The following TMEM232 variants were observed in gnomAD, a reference collection of about 807,000 sequenced individuals.
TMEM232 encodes transmembrane protein 232.
Under a neutral mutation model 78.8 loss-of-function variants are expected in TMEM232, and 80 were observed. The observed-to-expected ratio is 1.01, with a 90% CI of 0.85 to 1.22. TMEM232 has a LOEUF of 1.22. TMEM232 is among the 50% of genes most tolerant of loss of function. The pLI is 0.00. For missense variants in TMEM232, 881 were observed against 742.2 expected (o/e 1.19, Z -2.17); for synonymous variants, 297 against 254.3 (o/e 1.17, Z -1.60).
chr5:110,531,940 CAG>C (rs1443158695), intron 11 of TMEM232, among the ~76,000 whole-genome samples: 1 of 152,186 alleles, frequency 6.6e-6, no homozygotes, highest in African/African-American at 2.4e-5. Context: ...AACTCCACAA[CAG>C]GACTTAATTA....
At chr5:110,622,381 G>A (rs1000318169) in intron 7 of TMEM232, among the ~76,000 whole-genome samples, 1 of 152,158 alleles carries the variant, frequency 6.6e-6, no homozygotes, top group Non-Finnish European at 1.5e-5. Flanking sequence ...TTGTAGCAGG[G>A]TTTAAATCTA....
intron 1 of TMEM232, among the ~76,000 whole-genome samples, chr5:110,672,188 G>C (rs1480261704): frequency 6.6e-6 from 1 of 152,132 alleles, no homozygotes; most frequent in Non-Finnish European, 1.5e-5. Flanking sequence ...GTTTCAAGAA[G>C]TTAGAGACTA....
intron 1 of TMEM232, among the ~76,000 whole-genome samples, chr5:110,694,103 C>T (rs36162191): frequency 6.6e-6 from 1 of 152,116 alleles, no homozygotes; most frequent in South Asian, 2.1e-4. Flanking sequence ...AACAGCGGAT[C>T]TCTCGGCAGA....
chr5:110,670,207 T>G (rs1213896459), intron 1 of TMEM232, among the ~76,000 whole-genome samples: 2 of 152,196 alleles, frequency 1.3e-5, no homozygotes, highest in Non-Finnish European at 2.9e-5. Flanking sequence ...TGTTTGCAGA[T>G]GACATGATTG....
intron 12 of TMEM232, among the ~76,000 whole-genome samples, chr5:110,509,259 G>T (rs1443386403): frequency 6.6e-6 from 1 of 151,476 alleles, no homozygotes; most frequent in East Asian, 1.9e-4. Flanking sequence ...GCAACACTTT[G>T]TCTGTACAAA....
chr5:110,712,475 G>T (rs1199864711), intron 1 of TMEM232, among the ~76,000 whole-genome samples: 1 of 151,838 alleles, frequency 6.6e-6, no homozygotes, highest in Admixed American at 6.6e-5. Flanking sequence ...CACACAAAAG[G>T]CAAAAAGTCA....
At chr5:110,394,591 AG>A (rs1205829668) in intron 3 of TMEM232, among the ~76,000 whole-genome samples, 1 of 151,914 alleles carries the variant, frequency 6.6e-6, no homozygotes, top group Non-Finnish European at 1.5e-5. Context: ...CTTTACTGTT[AG>A]TACTGCCTTG....
intron 1 of TMEM232, among the ~76,000 whole-genome samples, chr5:110,688,315 T>A (rs1371686047): frequency 2.0e-5 from 3 of 152,160 alleles, no homozygotes; most frequent in African/African-American, 7.2e-5. Flanking sequence ...CTGCCTTATA[T>A]TATGATTTCA....
chr5:110,712,329 G>T (rs1796573188), intron 1 of TMEM232, among the ~76,000 whole-genome samples: 1 of 151,588 alleles, frequency 6.6e-6, no homozygotes, highest in Admixed American at 6.6e-5. Flanking sequence ...AGAGAAAATA[G>T]TTGCCAACTA....
chr5:110,508,124 A>G (rs868246129), intron 12 of TMEM232, among the ~76,000 whole-genome samples: 1 of 152,126 alleles, frequency 6.6e-6, no homozygotes, highest in Admixed American at 6.6e-5. Flanking sequence ...AAAAACCCCA[A>G]GGGGATCACT....
intron 11 of TMEM232, among the ~76,000 whole-genome samples, chr5:110,563,182 G>C (rs1775951833): frequency 6.6e-6 from 1 of 151,840 alleles, no homozygotes; most frequent in African/African-American, 2.4e-5. Context: ...CACTGGTAGT[G>C]GTTATGTGTT....
intron 12 of TMEM232, among the ~76,000 whole-genome samples, chr5:110,514,938 T>C (rs558175752): frequency 1.3e-5 from 2 of 152,202 alleles, no homozygotes; most frequent in South Asian, 4.1e-4. Context: ...CTAAAAATCA[T>C]ACGGCAGAAA....
intron 2 of TMEM232, among the ~76,000 whole-genome samples, chr5:110,644,156 C>A (rs1297398651): frequency 6.6e-6 from 1 of 151,860 alleles, no homozygotes; most frequent in Non-Finnish European, 1.5e-5. Context: ...GCAACCTCAT[C>A]TTTGATTTCC....
At position 110,702,348 on chromosome 5, in the gene TMEM232, T is replaced by C. The variant is rs190193534; in HGVS notation, c.-13+24279A>G. On this transcript the variant is annotated intron_variant, in intron 1 of 13. Transcript: ENST00000455884. Reference sequence around the variant, plus strand: ...TATGATAGTCAGCAATTATGCCCTGTAGCATACCCCCTTGTCTGAGGGCCA... The same window carrying C: ...TATGATAGTCAGCAATTATGCCCTGCAGCATACCCCCTTGTCTGAGGGCCA... Among the ~76,000 whole-genome samples the C allele has an allele frequency of 2.0e-5, 3 of 152,108 alleles. No homozygotes were observed. In the East Asian group the frequency reaches 5.8e-4, roughly 29 times the overall value.
At chr5:110,524,387 GAAAGAAAGAAAGAAAGAAAGAAAGAAAGA>G (rs1448309649) in intron 12 of TMEM232, among the ~76,000 whole-genome samples, 2,801 of 63,982 alleles carry the variant, frequency 0.044, 92 homozygotes, top group African/African-American at 0.19. Flanking sequence ...AAGAAAGAAA[GAAAGAAAGAAAGAAAGAAAGAAAGAAAGA>G]AAAGAAAAGA....
At chr5:110,686,054 A>G (rs1033074816) in intron 1 of TMEM232, among the ~76,000 whole-genome samples, 6 of 152,058 alleles carry the variant, frequency 3.9e-5, no homozygotes, top group Non-Finnish European at 8.8e-5. Flanking sequence ...ATGTATCAAA[A>G]CTCAATGAAA....
chr5:110,443,776 C>T (rs569458310), intron 12 of TMEM232, among the ~76,000 whole-genome samples: 1 of 152,268 alleles, frequency 6.6e-6, no homozygotes, highest in East Asian at 1.9e-4. Flanking sequence ...ATTCAGGCCC[C>T]AATGGCTCTT....
At chr5:110,443,334 G>A (rs1485919872) in intron 12 of TMEM232, among the ~76,000 whole-genome samples, 1 of 152,064 alleles carries the variant, frequency 6.6e-6, no homozygotes, top group African/African-American at 2.4e-5. Flanking sequence ...TCTTTCCACA[G>A]GCTTAGGAGC....
chr5:110,708,428 G>A (rs147648598), intron 1 of TMEM232, among the ~76,000 whole-genome samples: 114 of 152,234 alleles, frequency 7.5e-4, no homozygotes, highest in African/African-American at 2.7e-3. Flanking sequence ...TAGTAGGCAT[G>A]CAGAAAAATT....
Sources: gnomAD v4.1 joint callset for allele counts (sites outside exome capture counted in the v4.1 genomes callset) on GRCh38, gnomAD v4.1.1 for gene constraint, MANE v1.5 for transcripts, NCBI Gene and HGNC (gene_info 2026-07-23, HGNC 2026-07-21) for gene names.